The following NSUN6 variants were observed in gnomAD, a reference collection of about 807,000 sequenced individuals.
The protein encoded by NSUN6 is NOP2/Sun RNA methyltransferase 6.
In NSUN6, 64 loss-of-function variants were observed where a neutral mutation model predicts 58.0. The ratio of observed to expected loss-of-function variants is 1.10; its 90% confidence interval spans 0.90 to 1.36. NSUN6 has a LOEUF of 1.36. Ranked by LOEUF, NSUN6 falls within the 40% of genes most tolerant of loss-of-function variation. The pLI is 0.00. For missense variants in NSUN6, 701 were observed against 550.1 expected, an observed-to-expected ratio of 1.27 and a Z score of -2.74; for synonymous variants, 231 against 193.9, an observed-to-expected ratio of 1.19 and a Z score of -1.59.
At chr10:18,548,727 T>C (rs72787951) in intron 9 of NSUN6, among the ~76,000 whole-genome samples, 60,349 of 152,054 alleles carry the variant, frequency 0.4, 12,687 homozygotes, top group East Asian at 0.74. Flanking sequence ...GCGTGAGCCA[T>C]GGGTCTGGCC....
intron 3 of NSUN6, among the ~76,000 whole-genome samples, chr10:18,641,908 T>TA (rs1341982939): frequency 1.3e-5 from 2 of 151,738 alleles, no homozygotes; most frequent in Non-Finnish European, 2.9e-5. Context: ...TTCTACAAAA[T>TA]AAAAAATAAA....
chr10:18,651,159 G>GT lies in NSUN6; in HGVS notation c.44dup (p.Asn15LysfsTer4). 6.3e-7 allele frequency: 1 copy of GT among 1,581,660 alleles called. No homozygotes were observed. Among genetic ancestry groups the GT allele is most frequent in the Non-Finnish European group, 8.5e-7 (1 of 1,170,176 alleles). ...TATTCATAAAGCCTTCCTTAAGATA[G>GT]TTTTCAACCTCAGGTCTCAAAGATA... On this transcript the variant is annotated frameshift_variant, in exon 1 of 11. Coordinates refer to ENST00000377304, the MANE Select transcript of NSUN6 (RefSeq NM_182543.5). LOFTEE classifies it high-confidence loss of function.
intron 3 of NSUN6, among the ~76,000 whole-genome samples, chr10:18,618,682 C>CAA (rs35116933): frequency 0.013 from 643 of 51,428 alleles, 12 homozygotes; most frequent in African/African-American, 0.038. Context: ...AACTCCATCT[C>CAA]AAAAAAAAAA....
intron 8 of NSUN6, among the ~76,000 whole-genome samples, chr10:18,569,604 T>C (rs554113239): frequency 9.9e-5 from 15 of 151,356 alleles, no homozygotes; most frequent in Non-Finnish European, 2.1e-4. Flanking sequence ...CACCATTCCA[T>C]TCTCCTTACC....
At chr10:18,575,208 G>A (rs1003303770) in intron 8 of NSUN6, among the ~76,000 whole-genome samples, 1 of 152,096 alleles carries the variant, frequency 6.6e-6, no homozygotes, top group Non-Finnish European at 1.5e-5. Flanking sequence ...GGTTGTATAG[G>A]AATTTATACC....
At chr10:18,564,809 CCATTA>C (rs1252289114) in intron 8 of NSUN6, among the ~76,000 whole-genome samples, 1 of 150,838 alleles carries the variant, frequency 6.6e-6, no homozygotes, top group African/African-American at 2.4e-5. Flanking sequence ...GCATTCCATT[CCATTA>C]TTCAATTCAT....
chr10:18,608,955 G>A (rs576807297), intron 6 of NSUN6, among the ~76,000 whole-genome samples: 12 of 152,298 alleles, frequency 7.9e-5, no homozygotes, highest in South Asian at 2.1e-4. Context: ...ATAAACGTCC[G>A]TTGTTCTGTT....
At chr10:18,616,150 G>T in intron 4 of NSUN6, 34 bp downstream of exon 4, 1 of 1,156,704 alleles carries the variant, frequency 8.6e-7, no homozygotes, top group Non-Finnish European at 1.3e-6. Context: ...AAATTTTAGA[G>T]AACCTTAAAG....
At chr10:18,620,436 C>A (rs1459649912) in intron 3 of NSUN6, among the ~76,000 whole-genome samples, 1 of 152,094 alleles carries the variant, frequency 6.6e-6, no homozygotes, top group Non-Finnish European at 1.5e-5. Context: ...TTCCTTGGTA[C>A]AAAAAAATCT....
chr10:18,550,631 CTCCTA>C (rs2133395377), intron 9 of NSUN6, among the ~76,000 whole-genome samples: 1 of 152,134 alleles, frequency 6.6e-6, no homozygotes, highest in East Asian at 1.9e-4. Context: ...TTTTATGGTT[CTCCTA>C]TATCCTACGC....
chr10:18,630,620 C>A (rs1451032221), intron 3 of NSUN6, among the ~76,000 whole-genome samples: 10 of 152,140 alleles, frequency 6.6e-5, no homozygotes. Context: ...GAGAATACTA[C>A]AAACACCTCT....
intron 3 of NSUN6, among the ~76,000 whole-genome samples, chr10:18,617,167 T>G (rs2131364371): frequency 6.6e-6 from 1 of 151,044 alleles, no homozygotes; most frequent in Non-Finnish European, 1.5e-5. Flanking sequence ...CCACAAATTC[T>G]AATGTTTAGC....
intron 8 of NSUN6, among the ~76,000 whole-genome samples, chr10:18,570,903 C>CTCCAT (rs1266826317): frequency 3.3e-5 from 5 of 151,212 alleles, no homozygotes; most frequent in South Asian, 2.1e-4. Flanking sequence ...CCATTCCATT[C>CTCCAT]TCCATTCCAT....
intron 8 of NSUN6, among the ~76,000 whole-genome samples, chr10:18,573,838 T>C (rs2056515398): frequency 6.6e-6 from 1 of 152,080 alleles, no homozygotes; most frequent in Non-Finnish European, 1.5e-5. Context: ...TACCCTTGCC[T>C]CAAACTAAAC....
At chr10:18,563,187 T>TATGGA (rs1182889940) in intron 8 of NSUN6, among the ~76,000 whole-genome samples, 140 of 87,526 alleles carry the variant, frequency 1.6e-3, no homozygotes, top group African/African-American at 6.3e-3. Flanking sequence ...TGGAGAATGG[T>TATGGA]ATGGAATGGA....
chr10:18,628,889 A>C (rs931774746), intron 3 of NSUN6, among the ~76,000 whole-genome samples: 3 of 152,214 alleles, frequency 2.0e-5, no homozygotes, highest in Non-Finnish European at 4.4e-5. Context: ...ATTCAGATTC[A>C]GGAAATACAG....
chr10:18,618,363 T>C (rs1243671163), intron 3 of NSUN6, among the ~76,000 whole-genome samples: 5 of 152,122 alleles, frequency 3.3e-5, no homozygotes, highest in African/African-American at 1.2e-4. Context: ...ATTATTCCTA[T>C]TCTCTATACC....
At chr10:18,577,310 T>C (rs1270411374) in intron 8 of NSUN6, among the ~76,000 whole-genome samples, 1 of 152,208 alleles carries the variant, frequency 6.6e-6, no homozygotes, top group Non-Finnish European at 1.5e-5. Flanking sequence ...GTCTGACTGC[T>C]CTGTCTAATG....
chr10:18,635,903 C>A (rs1221891219), intron 3 of NSUN6, among the ~76,000 whole-genome samples: 9 of 150,154 alleles, frequency 6.0e-5, no homozygotes, highest in Admixed American at 4.7e-4. Context: ...TAATCAAAAT[C>A]GAGCATTACA....
Sources: allele counts gnomAD v4.1 joint callset (sites outside exome capture counted in the v4.1 genomes callset), GRCh38; gene constraint gnomAD v4.1.1; transcripts MANE v1.5; gene names NCBI Gene and HGNC (gene_info 2026-07-23, HGNC 2026-07-21).